Variants in FGD4 observed in about 807,000 individuals in gnomAD.
FGD4 encodes the protein FYVE, RhoGEF and PH domain-containing protein 4.
FGD4 carries 42 observed loss-of-function variants against 102.0 expected under a neutral mutation model. The observed-to-expected ratio is 0.41, with a 90% CI of 0.32 to 0.53. FGD4 has a LOEUF of 0.53. Ranked by LOEUF, FGD4 falls within the 20% of genes least tolerant of loss-of-function variation. FGD4 has a pLI of 0.21. For missense variants in FGD4, 902 were observed against 1,078.2 expected (o/e 0.84, Z 2.29); for synonymous variants, 380 against 375.7 (o/e 1.01, Z -0.13).
chr12:32,628,584 A>C (rs1316489469), intron 14 of FGD4, among the ~76,000 whole-genome samples: 2 of 152,078 alleles, frequency 1.3e-5, no homozygotes, highest in African/African-American at 4.8e-5. Flanking sequence ...CGATCTCCTG[A>C]GGTCGGGAGT....
intron 1 of FGD4, among the ~76,000 whole-genome samples, chr12:32,529,817 TG>T (rs1941620951): frequency 6.9e-6 from 1 of 143,928 alleles, no homozygotes; most frequent in Non-Finnish European, 1.5e-5. Flanking sequence ...CACTCCAGCA[TG>T]GGTGACAGAG....
At chr12:32,495,686 A>C (rs1592013072) in intron 1 of FGD4, among the ~76,000 whole-genome samples, 6 of 132,456 alleles carry the variant, frequency 4.5e-5, no homozygotes, top group Admixed American at 1.7e-4. Flanking sequence ...ACAGAGAGAG[A>C]CTCTGTTTCA....
At chr12:32,403,612 T>G (rs1156705243) in intron 1 of FGD4, among the ~76,000 whole-genome samples, 2 of 151,292 alleles carry the variant, frequency 1.3e-5, no homozygotes, top group Non-Finnish European at 2.9e-5. Context: ...TTTTTTTTTT[T>G]TTTGAGACTG....
At chr12:32,548,902 A>C (rs1308991751) in intron 1 of FGD4, among the ~76,000 whole-genome samples, 1 of 152,246 alleles carries the variant, frequency 6.6e-6, no homozygotes, top group African/African-American at 2.4e-5. Context: ...AGGGCACCCA[A>C]GATGATTACC....
At chr12:32,515,463 T>TA (rs1296139693) in intron 1 of FGD4, among the ~76,000 whole-genome samples, 2 of 152,256 alleles carry the variant, frequency 1.3e-5, no homozygotes, top group African/African-American at 4.8e-5. Context: ...GAATGAGTCT[T>TA]AAGCAGACTT....
chr12:32,474,957 C>T (rs7979505), intron 1 of FGD4, among the ~76,000 whole-genome samples: 28,202 of 151,994 alleles, frequency 0.19, 3,244 homozygotes, highest in East Asian at 0.26. Flanking sequence ...AAATTGATGG[C>T]GGGTATATGT....
chr12:32,471,170 C>T (rs1943407001), intron 1 of FGD4, among the ~76,000 whole-genome samples: 1 of 152,154 alleles, frequency 6.6e-6, no homozygotes, highest in Non-Finnish European at 1.5e-5. Context: ...GGTCTTTGGC[C>T]TCAGACTGAG....
chr12:32,442,582 G>A (rs1942480756), intron 1 of FGD4, among the ~76,000 whole-genome samples: 1 of 77,480 alleles, frequency 1.3e-5, no homozygotes, highest in South Asian at 3.7e-4. Flanking sequence ...TTTTTTTTTG[G>A]AGATGGAGTT....
At chr12:32,514,652 C>T (rs1408187858) in intron 1 of FGD4, among the ~76,000 whole-genome samples, 2 of 151,842 alleles carry the variant, frequency 1.3e-5, no homozygotes, top group African/African-American at 4.8e-5. Flanking sequence ...GCTGGGACTA[C>T]AAGTGTACAC....
At chr12:32,411,512 C>T (rs996111310) in intron 1 of FGD4, among the ~76,000 whole-genome samples, 1 of 151,902 alleles carries the variant, frequency 6.6e-6, no homozygotes, top group Admixed American at 6.6e-5. Flanking sequence ...CCAGCCTGGG[C>T]GACAGAGCAA....
Position 32,645,201 on chromosome 12 carries a change from T to TA in FGD4, c.*4668_*4669insA, listed in dbSNP as rs1951346803. 6.6e-6 allele frequency: 1 copy of TA among 152,198 alleles called. No individual in the cohort carries two copies. The highest frequency in any genetic ancestry group is 2.1e-4 in the South Asian group (1 of 4,832). 9.4% of individuals were successfully genotyped at this position (152,198 alleles called of 1,614,324 possible). On this transcript the variant is annotated 3_prime_UTR_variant, in exon 17 of 17. Transcript: ENST00000534526. Reference sequence around the variant, plus strand: ...TGGGGACCATTATAAGAGAATCACATTATATATTACACAGTATATGGATAT... The same window carrying TA: ...TGGGGACCATTATAAGAGAATCACATATATATATTACACAGTATATGGATAT...
intron 4 of FGD4, among the ~76,000 whole-genome samples, chr12:32,597,664 A>T (rs1338285226): frequency 6.6e-6 from 1 of 152,242 alleles, no homozygotes; most frequent in Non-Finnish European, 1.5e-5. Flanking sequence ...TGTTTCTGTC[A>T]TCATGAAACT....
At chr12:32,564,062 G>T in intron 1 of FGD4, 75 bp from the exon 2 acceptor site, 1 of 1,394,088 alleles carries the variant, frequency 7.2e-7, no homozygotes, top group Non-Finnish European at 9.5e-7. Flanking sequence ...AGTGGGAGAG[G>T]GGAAATTTAA....
chr12:32,520,593 G>A (rs1191348027), intron 1 of FGD4, among the ~76,000 whole-genome samples: 3 of 151,842 alleles, frequency 2.0e-5, no homozygotes, highest in South Asian at 2.1e-4. Context: ...CCACCACCAC[G>A]CCTGGCTAAT....
chr12:32,550,424 C>T (rs1427694014), intron 1 of FGD4, among the ~76,000 whole-genome samples: 1 of 152,056 alleles, frequency 6.6e-6, no homozygotes, highest in Non-Finnish European at 1.5e-5. Flanking sequence ...AATCCCATCA[C>T]TTTGGGAGGG....
chr12:32,432,959 T>C (rs1942104775), intron 1 of FGD4, among the ~76,000 whole-genome samples: 3 of 152,152 alleles, frequency 2.0e-5, no homozygotes, highest in Admixed American at 2.0e-4. Flanking sequence ...CCCTTTAATA[T>C]TTTCTTTGCC....
chr12:32,619,026 G>A (rs1163138965), intron 10 of FGD4, among the ~76,000 whole-genome samples: 1 of 152,130 alleles, frequency 6.6e-6, no homozygotes, highest in Admixed American at 6.5e-5. Flanking sequence ...ACATCAATGA[G>A]AAATTCTTGT....
rs1941571042 is a variant in FGD4, at chr12:32,420,023, C to T, written c.166+20064C>T. On this transcript the variant is annotated intron_variant, in intron 1 of 16. Transcript: ENST00000534526. ...TTCAGTGATATGAAATTAAAACCAG[C>T]TACTGTGAATGCTCACCTGATTTTT... Among the ~76,000 whole-genome samples the T allele has an allele frequency of 2.0e-5, 3 of 152,184 alleles. No individual in the cohort carries two copies. In the South Asian group the frequency reaches 6.2e-4, roughly 31 times the overall value.
At chr12:32,571,269 A>G (rs1945639396) in intron 2 of FGD4, among the ~76,000 whole-genome samples, 1 of 152,174 alleles carries the variant, frequency 6.6e-6, no homozygotes, top group Non-Finnish European at 1.5e-5. Context: ...AACCTGGCCA[A>G]CATGGCAAAA....
Sources: allele counts gnomAD v4.1 joint callset (sites outside exome capture counted in the v4.1 genomes callset), GRCh38; gene constraint gnomAD v4.1.1; transcripts MANE v1.5; gene names NCBI Gene and HGNC (gene_info 2026-07-23, HGNC 2026-07-21).